Variants in FCGR1A observed in about 807,000 individuals in gnomAD.
The protein encoded by FCGR1A is Fc gamma receptor Ia.
FCGR1A carries 13 observed loss-of-function variants against 35.0 expected under a neutral mutation model. The observed-to-expected ratio is 0.37, with a 90% CI of 0.24 to 0.59. The LOEUF is 0.59. Ranked by LOEUF, FCGR1A falls within the 20% of genes least tolerant of loss-of-function variation. The pLI, the probability that FCGR1A is intolerant of heterozygous loss-of-function variation, is 0.71. For synonymous variants in FCGR1A, 91 were observed against 164.7 expected, an observed-to-expected ratio of 0.55 and a Z score of 3.43; for missense variants, 227 against 430.0, an observed-to-expected ratio of 0.53 and a Z score of 4.17.
intron 3 of FCGR1A, 87 bp downstream of exon 3, chr1:149,784,344 C>T: frequency 6.2e-7 from 1 of 1,610,950 alleles, no homozygotes; most frequent in Non-Finnish European, 8.5e-7. Flanking sequence ...GTGTGTGTGT[C>T]GATTTATCTG....
downstream of FCGR1A, chr1:149,792,566 G>A (rs1553752117): frequency 3.4e-6 from 4 of 1,186,760 alleles, no homozygotes; most frequent in Non-Finnish European, 3.2e-6. Flanking sequence ...TAAATGATGG[G>A]ATGGGGCGTC....
At chr1:149,789,923 TAAAAAGGGTTAATGCCTTATGG>T (rs2091658821) in intron 4 of FCGR1A, 109 bp from the exon 5 acceptor site, 1 of 1,571,284 alleles carries the variant, frequency 6.4e-7, no homozygotes. Flanking sequence ...CTGCTGGAAG[TAAAAAGGGTTAATGCCTTATGG>T]ATGCATTTTC....
In FCGR1A at chr1:149,788,349, G is replaced by T; in HGVS notation, c.308-17G>T. 6.2e-7 allele frequency: 1 copy of T among 1,612,056 alleles called. No homozygotes were observed. The highest frequency in any genetic ancestry group is 8.5e-7 in the Non-Finnish European group (1 of 1,179,850). Reference sequence around the variant, plus strand: ...CTCCTCCACTGTATACATACATTTTGGGTTCATATTTTTCAGGCTGGCTAC... The same window carrying T: ...CTCCTCCACTGTATACATACATTTTTGGTTCATATTTTTCAGGCTGGCTAC... On this transcript the variant is annotated splice_polypyrimidine_tract_variant and intron_variant, in intron 3 of 5. Coordinates refer to ENST00000369168, the MANE Select transcript of FCGR1A (RefSeq NM_000566.4).
chr1:149,792,873 C>G, downstream of FCGR1A: 1 of 1,263,180 alleles, frequency 7.9e-7, no homozygotes, highest in Non-Finnish European at 1.0e-6. Context: ...TCCCATTCGC[C>G]CGAGTCAAGG....
Position 149,790,218 on chromosome 1 carries a change from T to C in FCGR1A, c.724T>C (p.Ser242Pro). Residue 242 changes from serine to proline, a missense_variant, in exon 5 of 6, where the codon TCC (serine) becomes CCC (proline). Ser to Pro is a moderately conservative substitution (Grantham distance 74, BLOSUM62 -1). This residue lies in a region of FCGR1A where 185 missense variants were observed against 306.6 expected (regional missense o/e 0.60). Coordinates refer to ENST00000369168, the MANE Select transcript of FCGR1A (RefSeq NM_000566.4). ...CAAGACCCTGCGAGGCAGGAACACA[T>C]CCTCTGAATACCAAATACTAACTGC... ...GSKTLRGRNT[S>P]SEYQILTARR... The C allele has an allele frequency of 6.2e-7, 1 of 1,613,236 alleles. No individual in the cohort carries two copies. The highest frequency in any genetic ancestry group is 8.5e-7 in the Non-Finnish European group (1 of 1,179,582).
downstream of FCGR1A, chr1:149,792,773 G>A (rs587695061): frequency 8.8e-4 from 1,122 of 1,278,274 alleles, 69 homozygotes; most frequent in South Asian, 0.013. Context: ...TGCATTCCTG[G>A]AGGCTGCAGG....
At chr1:149,798,523 C>T in the FCGR1A span, among the ~76,000 whole-genome samples, 2 of 151,274 alleles carry the variant, frequency 1.3e-5, no homozygotes, top group African/African-American at 4.9e-5. Context: ...TTGTTAAATG[C>T]AAACAATTCA....
chr1:149,786,460 A>G (rs1477692876), intron 3 of FCGR1A: 1 of 152,200 alleles, frequency 6.6e-6, no homozygotes, highest in Non-Finnish European at 1.5e-5. Context: ...ATACACCAAC[A>G]TTTTTGGTTG....
chr1:149,800,526 A>G, the FCGR1A span, among the ~76,000 whole-genome samples: 2 of 141,440 alleles, frequency 1.4e-5, no homozygotes, highest in African/African-American at 5.4e-5. Context: ...AAACAAAACG[A>G]CATCACACTT....
chr1:149,800,214 T>G, the FCGR1A span, among the ~76,000 whole-genome samples: 6 of 152,316 alleles, frequency 3.9e-5, no homozygotes, highest in South Asian at 2.1e-4. Flanking sequence ...GGAAGGAGCA[T>G]GGAGCTTCCA....
chr1:149,792,670 G>C (rs781979162), downstream of FCGR1A: 1 of 1,278,350 alleles, frequency 7.8e-7, no homozygotes, highest in South Asian at 1.2e-5. Flanking sequence ...GGCCGCAGCC[G>C]CCAGCGCCCG....
In FCGR1A at chr1:149,788,350, G is replaced by T. The variant is rs781807862; in HGVS notation, c.308-16G>T. 133 of 1,611,936 alleles carry T rather than the reference G, an allele frequency of 8.3e-5. No individual in the cohort carries two copies. The highest frequency in any genetic ancestry group is 2.0e-4 in the Admixed American group (12 of 59,986). On this transcript the variant is annotated splice_polypyrimidine_tract_variant and intron_variant, in intron 3 of 5. Coordinates refer to ENST00000369168, the MANE Select transcript of FCGR1A (RefSeq NM_000566.4). ...TCCTCCACTGTATACATACATTTTG[G>T]GTTCATATTTTTCAGGCTGGCTACT...
chr1:149,797,372 C>A, the FCGR1A span, among the ~76,000 whole-genome samples: 2 of 151,980 alleles, frequency 1.3e-5, no homozygotes, highest in African/African-American at 2.4e-5. Flanking sequence ...AAATATATAT[C>A]AAAAATACAC....
downstream of FCGR1A, among the ~76,000 whole-genome samples, chr1:149,795,251 AAAATAAATAAATAAATAAATAAAT>A (rs59487657): frequency 1.4e-4 from 15 of 108,716 alleles, no homozygotes; most frequent in African/African-American, 6.0e-4. Context: ...CCCTGTCTCA[AAAATAAATAAATAAATAAATAAAT>A]AAATAAATAA....
the FCGR1A span, among the ~76,000 whole-genome samples, chr1:149,799,933 G>A: frequency 2.0e-5 from 3 of 152,070 alleles, no homozygotes; most frequent in Non-Finnish European, 4.4e-5. Context: ...GACACCAGCT[G>A]AGTGTACTCC....
chr1:149,785,407 C>CG (rs2091515637), intron 3 of FCGR1A, among the ~76,000 whole-genome samples: 15 of 74,542 alleles, frequency 2.0e-4, no homozygotes, highest in African/African-American at 5.9e-4. Flanking sequence ...AGAGCTGTTT[C>CG]GTTTTTTTTT....
chr1:149,794,125 A>G (rs1434825181), downstream of FCGR1A: 14 of 447,726 alleles, frequency 3.1e-5, no homozygotes, highest in Admixed American at 2.9e-4. Flanking sequence ...GAGACCAGTT[A>G]GGAGTCTAGG....
chr1:149,790,972 CAG>C (rs1274239422), intron 5 of FCGR1A, among the ~76,000 whole-genome samples: 1 of 151,460 alleles, frequency 6.6e-6, no homozygotes, highest in East Asian at 2.0e-4. Context: ...TTAAATGGCA[CAG>C]AGATATCAGT....
In FCGR1A at chr1:149,790,924, GA is replaced by G. The variant is rs1369604872; in HGVS notation, c.845-307del. Among the ~76,000 whole-genome samples the G allele has an allele frequency of 1.1e-4, 16 of 151,184 alleles. No individual in the cohort carries two copies. The East Asian group carries it at 2.5e-3, about 24-fold the overall frequency. On this transcript the variant is annotated intron_variant, in intron 5 of 5. Transcript: ENST00000369168. ...TCTAGAACAAAGTCTCCTTGGGGGG[GA>G]AAAAAGTTCATCTTCAACCCAAATT... is the stretch of plus-strand genomic sequence containing the variant.
Sources: gnomAD v4.1 joint callset for allele counts (sites outside exome capture counted in the v4.1 genomes callset) on GRCh38, gnomAD v4.1.1 for gene constraint, gnomAD v4.1.1 regional missense constraint, MANE v1.5 for transcripts, NCBI Gene and HGNC (gene_info 2026-07-23, HGNC 2026-07-21) for gene names.